The following PEBP1 variants were observed in gnomAD, a reference collection of about 807,000 sequenced individuals.
The protein encoded by PEBP1 is phosphatidylethanolamine binding protein 1, also known as phosphatidylethanolamine-binding protein 1.
Under a neutral mutation model 22.7 loss-of-function variants are expected in PEBP1, and 17 were observed. That is an observed-to-expected ratio of 0.75 (90% CI 0.51 to 1.12). The LOEUF (loss-of-function observed/expected upper bound fraction) is 1.12. Among genes scored for constraint, PEBP1 ranks in the 50% most tolerant of loss-of-function variants. The pLI is 0.00. For missense variants in PEBP1, 205 were observed against 243.5 expected, an observed-to-expected ratio of 0.84 and a Z score of 1.05; for synonymous variants, 106 against 104.3, an observed-to-expected ratio of 1.02 and a Z score of -0.10.
At chr12:118,144,100 G>A (rs1005550098) in intron 3 of PEBP1, among the ~76,000 whole-genome samples, 9 of 152,042 alleles carry the variant, frequency 5.9e-5, no homozygotes, top group African/African-American at 1.9e-4. Flanking sequence ...CTAGAGGCTC[G>A]ACTGTGGTAT....
chr12:118,136,195 C>T lies in PEBP1; in HGVS notation c.-15C>T, dbSNP rs1235716131. The T allele has an allele frequency of 1.9e-6, 3 of 1,543,648 alleles. No individual in the cohort carries two copies. The African/African-American group carries it at 4.1e-5, about 21-fold the overall frequency. ...ACCGCGGCACTCCCGGCTGCACGCT[C>T]TGCTTGGCCTCGCCATGCCGGTGGA... On this transcript the variant is annotated 5_prime_UTR_variant, in exon 1 of 4. Coordinates refer to ENST00000261313, the MANE Select transcript of PEBP1 (RefSeq NM_002567.4). The surrounding 1 kb of genome is among the most constrained non-coding windows in gnomAD (Gnocchi z 5.6).
In PEBP1 at chr12:118,136,352, G is replaced by C. The variant is rs771266750; in HGVS notation, c.135+8G>C. The C allele has an allele frequency of 9.1e-6, 14 of 1,537,822 alleles. No homozygotes were observed. The highest frequency in any genetic ancestry group is 7.9e-5 in the Admixed American group (4 of 50,788). ...GTGCTGACGCCCACCCAGGTACACC[G>C]GGCGGCGGGCGTGCAGCGAGCGGCA... On this transcript the variant is annotated splice_region_variant and intron_variant, in intron 1 of 3. Transcript: ENST00000261313. This position sits in a 1 kb window ranked among gnomAD's most constrained non-coding sequence, Gnocchi z 5.6.
intron 3 of PEBP1, among the ~76,000 whole-genome samples, chr12:118,144,375 T>C (rs1252985209): frequency 6.6e-6 from 1 of 152,102 alleles, no homozygotes; most frequent in Non-Finnish European, 1.5e-5. Context: ...TTCTATTAGG[T>C]TGATGCAAAA....
intron 1 of PEBP1, among the ~76,000 whole-genome samples, chr12:118,137,512 G>A (rs1025752578): frequency 2.0e-5 from 3 of 152,052 alleles, no homozygotes; most frequent in African/African-American, 7.2e-5. Flanking sequence ...CCTTGATAGC[G>A]TCACTACACT....
chr12:118,139,417 C>A, intron 2 of PEBP1, 34 bp from the exon 3 acceptor site: 1 of 1,456,398 alleles, frequency 6.9e-7, no homozygotes, highest in South Asian at 1.1e-5. Context: ...CCCTGATCTC[C>A]TGTGGTGCTG....
intron 3 of PEBP1, among the ~76,000 whole-genome samples, chr12:118,143,808 G>A (rs1205927526): frequency 6.6e-6 from 1 of 151,818 alleles, no homozygotes; most frequent in African/African-American, 2.4e-5. Context: ...AGGAGGCTGA[G>A]GCAGGAGAAT....
At chr12:118,137,354 T>A (rs2034073331) in intron 1 of PEBP1, among the ~76,000 whole-genome samples, 1 of 151,956 alleles carries the variant, frequency 6.6e-6, no homozygotes, top group Non-Finnish European at 1.5e-5. Flanking sequence ...ACTGAAATAA[T>A]ATACAGCCTG....
Position 118,136,638 on chromosome 12 carries a change from C to G in PEBP1, c.135+294C>G, listed in dbSNP as rs1298452821. Among the ~76,000 whole-genome samples, 1 of 152,184 alleles carries G rather than the reference C, an allele frequency of 6.6e-6. No homozygotes were observed. The highest frequency in any genetic ancestry group is 1.5e-5 in the Non-Finnish European group (1 of 68,022). ...ACCTAGGTTCGGAAACAGGCCGGAT[C>G]CCCCTCTCCCCCCACAGGCCAGGGC... On this transcript the variant is annotated intron_variant, in intron 1 of 3. Coordinates refer to ENST00000261313, the MANE Select transcript of PEBP1 (RefSeq NM_002567.4). This position sits in a 1 kb window ranked among gnomAD's most constrained non-coding sequence, Gnocchi z 5.6.
At chr12:118,140,750 G>C (rs1276783873) in intron 3 of PEBP1, among the ~76,000 whole-genome samples, 1 of 152,114 alleles carries the variant, frequency 6.6e-6, no homozygotes, top group African/African-American at 2.4e-5. Context: ...GTGTTAGCCA[G>C]GATGGTCTCA....
intron 3 of PEBP1, among the ~76,000 whole-genome samples, chr12:118,139,862 T>G (rs1206462216): frequency 2.0e-5 from 3 of 152,120 alleles, no homozygotes. Context: ...GGGGCTGCAG[T>G]GAGTGGAATA....
chr12:118,139,751 G>T (rs1056487386), intron 3 of PEBP1, among the ~76,000 whole-genome samples, 200 bp downstream of exon 3: 9 of 152,144 alleles, frequency 5.9e-5, no homozygotes, highest in Non-Finnish European at 1.2e-4. Context: ...CTGGACAGAC[G>T]GACCCTTTGT....
At chr12:118,139,973 C>T (rs1484301301) in intron 3 of PEBP1, among the ~76,000 whole-genome samples, 1 of 152,074 alleles carries the variant, frequency 6.6e-6, no homozygotes, top group Non-Finnish European at 1.5e-5. Context: ...TATAAGGTTG[C>T]TTTCTGTATT....
intron 3 of PEBP1, among the ~76,000 whole-genome samples, chr12:118,142,183 T>C (rs540241101): frequency 8.1e-4 from 123 of 151,242 alleles, no homozygotes; most frequent in African/African-American, 2.8e-3. Flanking sequence ...TCTTTTTTTT[T>C]TTTTTTTTTT....
chr12:118,138,099 T>TTG lies in PEBP1; in HGVS notation c.197_198dup (p.Val67TrpfsTer3), dbSNP rs1419422846. 6.2e-7 allele frequency: 1 copy of TTG among 1,613,860 alleles called. No homozygotes were observed. Among genetic ancestry groups the TTG allele is most frequent in the African/African-American group, 1.3e-5 (1 of 74,934 alleles). On this transcript the variant is annotated frameshift_variant, in exon 2 of 4. Coordinates refer to ENST00000261313, the MANE Select transcript of PEBP1 (RefSeq NM_002567.4). LOFTEE classifies it high-confidence loss of function. ...TCTTGATTCAGGGAAGCTCTACACC[T>TTG]TGGTCCTGACAGACCCGGATGCTCC...
Position 118,138,111 on chromosome 12 carries a change from G to C in PEBP1, c.208G>C (p.Asp70His). The change falls in exon 2 of 4, where the codon GAC (aspartate) becomes CAC (histidine). Residue 70 changes from aspartate (D) to histidine (H), a missense_variant. By Grantham distance (81) the Asp-to-His change is moderately conservative. Coordinates refer to ENST00000261313, the MANE Select transcript of PEBP1 (RefSeq NM_002567.4). ...SGKLYTLVLTDPDAPSRKDPK... is the reference protein window; with the variant it reads ...SGKLYTLVLTHPDAPSRKDPK... ...GAAGCTCTACACCTTGGTCCTGACA[G>C]ACCCGGATGCTCCCAGCAGGAAGGA... 6.2e-7 allele frequency: 1 copy of C among 1,613,808 alleles called. No individual in the cohort carries two copies. The highest frequency in any genetic ancestry group is 8.5e-7 in the Non-Finnish European group (1 of 1,179,798).
intron 3 of PEBP1, among the ~76,000 whole-genome samples, chr12:118,141,944 T>C (rs1445398161): frequency 1.3e-5 from 2 of 152,168 alleles, no homozygotes; most frequent in Non-Finnish European, 2.9e-5. Context: ...TTGGATATTA[T>C]GAAGAAATAT....
Position 118,138,020 on chromosome 12 carries a change from A to G in PEBP1, c.136-19A>G, listed in dbSNP as rs887483972. 3 of 1,573,990 alleles carry G rather than the reference A, an allele frequency of 1.9e-6. No homozygotes were observed. The highest frequency in any genetic ancestry group is 1.3e-5 in the African/African-American group (1 of 74,170). On this transcript the variant is annotated intron_variant, in intron 1 of 3. Transcript: ENST00000261313. ...CAGCATTTCTGACTTTTTTACTGCAAACTGGTTCCTTCATACAGGTTAAGA... is the reference window on the plus strand; with the variant it reads ...CAGCATTTCTGACTTTTTTACTGCAGACTGGTTCCTTCATACAGGTTAAGA...
rs1592927724 is a variant in PEBP1 at position 118,139,656 on chromosome 12, A to G, written c.346+105A>G. Reference sequence around the variant, plus strand: ...GAGAGCCCTTAACCCTGCTGGAAATAGCATCTCAGCTTACCTCTAGGGCAG... The same window carrying G: ...GAGAGCCCTTAACCCTGCTGGAAATGGCATCTCAGCTTACCTCTAGGGCAG... On this transcript the variant is annotated intron_variant, in intron 3 of 3. Coordinates refer to ENST00000261313, the MANE Select transcript of PEBP1 (RefSeq NM_002567.4). 8 of 671,188 alleles carry G rather than the reference A, an allele frequency of 1.2e-5. No individual in the cohort carries two copies. The South Asian group carries it at 1.4e-4, about 12-fold the overall frequency. 41.6% of individuals were successfully genotyped at this position (671,188 alleles called of 1,614,324 possible).
chr12:118,143,510 T>G (rs1452721165), intron 3 of PEBP1, among the ~76,000 whole-genome samples: 1 of 152,190 alleles, frequency 6.6e-6, no homozygotes, highest in East Asian at 1.9e-4. Context: ...TTTTCATCCA[T>G]CAGTGGACAG....
Sources: allele counts gnomAD v4.1 joint callset (sites outside exome capture counted in the v4.1 genomes callset), GRCh38; gene constraint gnomAD v4.1.1; non-coding constraint Gnocchi (gnomAD v3.1); transcripts MANE v1.5; gene names NCBI Gene and HGNC (gene_info 2026-07-23, HGNC 2026-07-21).